Variants in PDS5B observed in about 807,000 individuals in gnomAD.
PDS5B encodes the protein sister chromatid cohesion protein PDS5 homolog B.
In PDS5B, 51 loss-of-function variants were observed where a neutral mutation model predicts 184.1. That is an observed-to-expected ratio of 0.28 (90% CI 0.22 to 0.35). The LOEUF (loss-of-function observed/expected upper bound fraction) is 0.35. Among genes scored for constraint, PDS5B ranks in the 10% least tolerant of loss-of-function variants. PDS5B has a pLI of 1.00. For missense variants in PDS5B, 1,180 were observed against 1,723.3 expected, an observed-to-expected ratio of 0.68 and a Z score of 5.58; for synonymous variants, 566 against 569.2, an observed-to-expected ratio of 0.99 and a Z score of 0.08.
At chr13:32,765,204 T>A (rs907761814) in intron 31 of PDS5B, among the ~76,000 whole-genome samples, 1 of 152,174 alleles carries the variant, frequency 6.6e-6, no homozygotes, top group African/African-American at 2.4e-5. Context: ...CTTAACTGGG[T>A]TTGTTTTGAC....
chr13:32,671,210 T>C (rs1950927139), intron 7 of PDS5B, among the ~76,000 whole-genome samples: 1 of 151,302 alleles, frequency 6.6e-6, no homozygotes, highest in Non-Finnish European at 1.5e-5. Context: ...TTTTACACAT[T>C]GGAGAAGACC....
At chr13:32,738,524 T>G (rs991509087) in intron 21 of PDS5B, among the ~76,000 whole-genome samples, 2 of 152,202 alleles carry the variant, frequency 1.3e-5, no homozygotes, top group East Asian at 3.8e-4. Flanking sequence ...TTATTCCCCT[T>G]GGTGTTTTTT....
chr13:32,761,494 C>A (rs1954395678), intron 30 of PDS5B, among the ~76,000 whole-genome samples: 1 of 152,094 alleles, frequency 6.6e-6, no homozygotes, highest in South Asian at 2.1e-4. Context: ...CAGTAGTCCG[C>A]ATTGTCTGTT....
At chr13:32,728,995 G>A (rs1953007675) in intron 19 of PDS5B, among the ~76,000 whole-genome samples, 1 of 152,084 alleles carries the variant, frequency 6.6e-6, no homozygotes, top group Non-Finnish European at 1.5e-5. Flanking sequence ...TTGTTACATA[G>A]GTATACATGT....
intron 34 of PDS5B, among the ~76,000 whole-genome samples, chr13:32,774,397 TG>T (rs1255369756): frequency 6.6e-6 from 1 of 152,188 alleles, no homozygotes; most frequent in African/African-American, 2.4e-5. Flanking sequence ...TAAAGGGTTT[TG>T]GGGAGGACAT....
At chr13:32,624,899 CT>C (rs891877010) in intron 1 of PDS5B, among the ~76,000 whole-genome samples, 1 of 152,024 alleles carries the variant, frequency 6.6e-6, no homozygotes, top group Non-Finnish European at 1.5e-5. Flanking sequence ...TCAATTTACC[CT>C]TTTTTTGTGC....
At position 32,776,708 on chromosome 13, in the gene PDS5B, A is replaced by T. The variant is rs1370236959; in HGVS notation, c.*1656A>T. ...ATATTTCCAAGATTGGTTATAATAG[A>T]TGGGGCATATAATAAAGAAGCTACT... On this transcript the variant is annotated 3_prime_UTR_variant, in exon 35 of 35. Transcript: ENST00000315596. 1 of 152,510 alleles carries T rather than the reference A, an allele frequency of 6.6e-6. No individual in the cohort carries two copies. The highest frequency in any genetic ancestry group is 6.6e-5 in the Admixed American group (1 of 15,254). 9.4% of individuals were successfully genotyped at this position (152,510 alleles called of 1,614,324 possible). A position where few individuals can be genotyped will look rare whatever the true frequency, so the allele number is the denominator to read the frequency against.
rs181946122 is a variant in PDS5B, at chr13:32,744,018, A to T, written c.2612+1291A>T. ...TTATATTTCTTATTTGGCCAATTAT[A>T]TTCAGCTATATAAACTTTCATCAGA... On this transcript the variant is annotated intron_variant, in intron 23 of 34. Transcript: ENST00000315596. Among the ~76,000 whole-genome samples, 1,258 of 152,164 alleles carry T rather than the reference A, an allele frequency of 8.3e-3. 18 individuals carry two copies. Among genetic ancestry groups the T allele is most frequent in the African/African-American group, 0.029 (1,188 of 41,542 alleles).
In PDS5B at chr13:32,706,950, G is replaced by A. The variant is rs745907437; in HGVS notation, c.1873G>A (p.Val625Met). ...TESISALIKQ[V>M]NKSIDGTADD... ...ATATTTTAGTGCTCTTATTAAACAAGTGAACAAATCAATAGATGGAACAGC... is the reference window on the plus strand; with the variant it reads ...ATATTTTAGTGCTCTTATTAAACAAATGAACAAATCAATAGATGGAACAGC... The change falls in exon 18 of 35, where the codon GTG (valine) becomes ATG (methionine). Residue 625 changes from valine to methionine, a missense_variant. Coordinates refer to ENST00000315596, the MANE Select transcript of PDS5B (RefSeq NM_015032.4). 1.2e-6 allele frequency: 2 copies of A among 1,607,812 alleles called. No homozygotes were observed. Among genetic ancestry groups the A allele is most frequent in the Non-Finnish European group, 1.7e-6 (2 of 1,177,180 alleles).
intron 25 of PDS5B, among the ~76,000 whole-genome samples, chr13:32,755,158 T>G (rs1954129261): frequency 6.6e-6 from 1 of 152,150 alleles, no homozygotes; most frequent in African/African-American, 2.4e-5. Context: ...ATTTGGCAAA[T>G]AGGAAATATA....
intron 6 of PDS5B, among the ~76,000 whole-genome samples, chr13:32,663,322 C>G (rs548640016): frequency 2.1e-5 from 3 of 143,680 alleles, no homozygotes; most frequent in African/African-American, 7.7e-5. Context: ...AGGTGCAAAC[C>G]AAGCAAGAAA....
chr13:32,713,091 G>C (rs1952258778), intron 19 of PDS5B, among the ~76,000 whole-genome samples: 1 of 152,244 alleles, frequency 6.6e-6, no homozygotes, highest in East Asian at 1.9e-4. Flanking sequence ...CAAGTGACTG[G>C]TTCTTATCCT....
Position 32,618,106 on chromosome 13 carries a change from GC to G in PDS5B, c.-19-30646del, listed in dbSNP as rs2058245489. On this transcript the variant is annotated intron_variant, in intron 1 of 34. Coordinates refer to ENST00000315596, the MANE Select transcript of PDS5B (RefSeq NM_015032.4). ...GCTGCCAGGAGCTGCTTTTTTAAGGGCCTAATCCTGTTCATAAGGGAGGAGC... is the reference window on the plus strand; with the variant it reads ...GCTGCCAGGAGCTGCTTTTTTAAGGGCTAATCCTGTTCATAAGGGAGGAGC... Among the ~76,000 whole-genome samples, 3 of 152,144 alleles carry G rather than the reference GC, an allele frequency of 2.0e-5. No individual in the cohort carries two copies. In the South Asian group the frequency reaches 6.2e-4, roughly 31 times the overall value.
intron 26 of PDS5B, among the ~76,000 whole-genome samples, chr13:32,757,310 A>C (rs1047358273): frequency 3.3e-5 from 5 of 152,186 alleles, no homozygotes; most frequent in Non-Finnish European, 5.9e-5. Flanking sequence ...GTAGCCATGC[A>C]TAATCTCCAT....
chr13:32,746,909 T>C (rs1953764243), intron 24 of PDS5B, among the ~76,000 whole-genome samples: 1 of 152,228 alleles, frequency 6.6e-6, no homozygotes, highest in Admixed American at 6.5e-5. Context: ...AGTATGCAAA[T>C]TCCTAAATAT....
At chr13:32,711,647 C>T (rs1348533460) in intron 19 of PDS5B, among the ~76,000 whole-genome samples, 3 of 152,204 alleles carry the variant, frequency 2.0e-5, no homozygotes, top group African/African-American at 7.2e-5. Flanking sequence ...CATGAACCAC[C>T]GCGCCTGGCC....
chr13:32,614,639 TTATC>T (rs1341597465), intron 1 of PDS5B, among the ~76,000 whole-genome samples: 2 of 152,190 alleles, frequency 1.3e-5, no homozygotes, highest in Non-Finnish European at 2.9e-5. Flanking sequence ...TCTCAAATAT[TTATC>T]TAATAATTAA....
chr13:32,652,280 A>G (rs1281249864), intron 3 of PDS5B: 1 of 284,966 alleles, frequency 3.5e-6, no homozygotes, highest in Non-Finnish European at 6.5e-6. Flanking sequence ...TTTGGGGGCA[A>G]TTCCTTTTCA....
At chr13:32,753,561 G>T in intron 25 of PDS5B, 25 bp downstream of exon 25, 1 of 1,530,682 alleles carries the variant, frequency 6.5e-7, no homozygotes, top group South Asian at 1.2e-5. Context: ...AAATGGAAAG[G>T]ATACTTTTTC....
Sources: gnomAD v4.1 joint callset for allele counts (sites outside exome capture counted in the v4.1 genomes callset) on GRCh38, gnomAD v4.1.1 for gene constraint, MANE v1.5 for transcripts, NCBI Gene and HGNC (gene_info 2026-07-23, HGNC 2026-07-21) for gene names.